ARL6IP6: variants seen among roughly 807,000 people sequenced by gnomAD.
ARL6IP6 encodes ARF like GTPase 6 interacting protein 6, also known as ADP-ribosylation factor-like protein 6-interacting protein 6.
ARL6IP6 carries 22 observed loss-of-function variants against 21.5 expected under a neutral mutation model. The observed-to-expected ratio is 1.02, with a 90% CI of 0.73 to 1.46. ARL6IP6 has a LOEUF of 1.46. Ranked by LOEUF, ARL6IP6 falls within the 40% of genes most tolerant of loss-of-function variation. The pLI, the probability that ARL6IP6 is intolerant of heterozygous loss-of-function variation, is 0.00. For missense variants in ARL6IP6, 388 were observed against 299.8 expected (o/e 1.29, Z -2.17); for synonymous variants, 164 against 125.3 (o/e 1.31, Z -2.06).
chr2:152,737,211 T>A (rs1272947896), intron 3 of ARL6IP6, among the ~76,000 whole-genome samples: 1 of 152,130 alleles, frequency 6.6e-6, no homozygotes. Context: ...ACTATGCAAT[T>A]TTGAGAAGTC....
At chr2:152,722,234 ATACT>A (rs1435068076) in intron 2 of ARL6IP6, among the ~76,000 whole-genome samples, 2 of 152,328 alleles carry the variant, frequency 1.3e-5, no homozygotes, top group Non-Finnish European at 2.9e-5. Context: ...TGCATGATAG[ATACT>A]TAATATTTTT....
At chr2:152,722,808 T>C (rs1231998290) in intron 2 of ARL6IP6, among the ~76,000 whole-genome samples, 1 of 152,182 alleles carries the variant, frequency 6.6e-6, no homozygotes, top group Admixed American at 6.5e-5. Flanking sequence ...CTCGGGAGGC[T>C]GAGGCAGGAG....
upstream of ARL6IP6, chr2:152,717,960 G>C (rs1221491719): frequency 2.0e-6 from 2 of 1,008,938 alleles, no homozygotes; most frequent in African/African-American, 1.7e-5. Flanking sequence ...GAAAGGAGGG[G>C]TTCGGAGGAG....
chr2:152,722,291 A>ATT (rs1348176437), intron 2 of ARL6IP6, among the ~76,000 whole-genome samples: 6 of 152,226 alleles, frequency 3.9e-5, no homozygotes, highest in Non-Finnish European at 8.8e-5. Flanking sequence ...AATGGCATGA[A>ATT]TTTATTGTCA....
chr2:152,739,608 C>A (rs1700714085), intron 3 of ARL6IP6, among the ~76,000 whole-genome samples: 1 of 152,186 alleles, frequency 6.6e-6, no homozygotes, highest in African/African-American at 2.4e-5. Context: ...CTGTCTTCTT[C>A]TGCACCCTCC....
chr2:152,721,514 C>G (rs1218602590), intron 2 of ARL6IP6, among the ~76,000 whole-genome samples: 7 of 152,176 alleles, frequency 4.6e-5, no homozygotes, highest in Admixed American at 4.6e-4. Context: ...GAGTTGAAAA[C>G]TTTACCTGTC....
At chr2:152,743,767 C>G (rs1232120290) in intron 3 of ARL6IP6, among the ~76,000 whole-genome samples, 1 of 152,104 alleles carries the variant, frequency 6.6e-6, no homozygotes, top group African/African-American at 2.4e-5. Context: ...CTGGAAATTT[C>G]AAATTGCAAG....
chr2:152,738,943 T>C lies in ARL6IP6; in HGVS notation c.587+3817T>C, dbSNP rs187081652. Among the ~76,000 whole-genome samples, 22 of 152,254 alleles carry C rather than the reference T, an allele frequency of 1.4e-4. No homozygotes were observed. In the East Asian group the frequency reaches 3.9e-3, roughly 27 times the overall value. The stretch of plus-strand genomic sequence containing the variant: ...CTTTTCTTCCCTTTTAAACATAAGT[T>C]CCAATTCCAAACCATGTTTTTGTGA... On this transcript the variant is annotated intron_variant, in intron 3 of 3. Transcript: ENST00000326446.
intron 3 of ARL6IP6, among the ~76,000 whole-genome samples, chr2:152,753,584 A>G (rs1701436588): frequency 1.3e-5 from 2 of 151,978 alleles, no homozygotes; most frequent in African/African-American, 2.4e-5. Context: ...CTATTGAACT[A>G]CTACTGAGAT....
chr2:152,722,088 T>C (rs1200435959), intron 2 of ARL6IP6, among the ~76,000 whole-genome samples: 1 of 152,222 alleles, frequency 6.6e-6, no homozygotes, highest in African/African-American at 2.4e-5. Flanking sequence ...GATTTCTCAT[T>C]TAGGAGTAGA....
chr2:152,718,906 C>A lies in ARL6IP6; in HGVS notation c.282C>A (p.Ala94=). The change falls in exon 1 of 4, where the codon GCC becomes GCA. Residue 94 remains alanine, a synonymous_variant. Transcript: ENST00000326446. ...PDKRNGIFPA[A]AGSRAQPRRW... is the part of the protein sequence containing the mutation. ...AGCGCAATGGTATCTTTCCCGCGGC[C>A]GCGGGCAGCAGAGCCCAGCCTCGGC... The A allele has an allele frequency of 6.2e-7, 1 of 1,613,874 alleles. No individual in the cohort carries two copies. The highest frequency in any genetic ancestry group is 1.6e-4 in the Middle Eastern group (1 of 6,062).
At chr2:152,720,660 T>G in intron 2 of ARL6IP6, 74 bp downstream of exon 2, 2 of 1,287,228 alleles carry the variant, frequency 1.6e-6, no homozygotes, top group Non-Finnish European at 2.2e-6. Flanking sequence ...GAACTAACTC[T>G]GGGATAAAAT....
intron 2 of ARL6IP6, among the ~76,000 whole-genome samples, chr2:152,726,339 G>A (rs1461125742): frequency 7.1e-6 from 1 of 140,934 alleles, no homozygotes; most frequent in Non-Finnish European, 1.5e-5. Flanking sequence ...GCCTTAACCA[G>A]TGTAACTGCT....
chr2:152,721,804 T>G (rs927368149), intron 2 of ARL6IP6, among the ~76,000 whole-genome samples: 3 of 152,242 alleles, frequency 2.0e-5, no homozygotes, highest in Non-Finnish European at 4.4e-5. Flanking sequence ...AGGGGAAACA[T>G]GAACCCTTTA....
chr2:152,718,812 C>T lies in ARL6IP6; in HGVS notation c.188C>T (p.Ala63Val), dbSNP rs368661783. 8 of 1,607,192 alleles carry T rather than the reference C, an allele frequency of 5.0e-6. No individual in the cohort carries two copies. Among genetic ancestry groups the T allele is most frequent in the Non-Finnish European group, 5.9e-6 (7 of 1,176,756 alleles). Residue 63 changes from alanine (A) to valine (V), a missense_variant, in exon 1 of 4, where the codon GCG (alanine) becomes GTG (valine). Coordinates refer to ENST00000326446, the MANE Select transcript of ARL6IP6 (RefSeq NM_152522.7). ...CTGCGGGCGGAGTTCTCGGCTGGGG[C>T]GTGGTCAGAGCCCAGAAAGCGCTCG... ...RDLRAEFSAG[A>V]WSEPRKRSVL...
At chr2:152,754,647 C>T (rs1701495256) in intron 3 of ARL6IP6, among the ~76,000 whole-genome samples, 1 of 152,170 alleles carries the variant, frequency 6.6e-6, no homozygotes, top group Non-Finnish European at 1.5e-5. Context: ...CAAACTGTTT[C>T]CTACAGCAGC....
chr2:152,754,262 G>A (rs933748454), intron 3 of ARL6IP6, among the ~76,000 whole-genome samples: 10 of 151,812 alleles, frequency 6.6e-5, no homozygotes, highest in African/African-American at 1.7e-4. Flanking sequence ...TCTACTTTTC[G>A]TCTCTATGGA....
chr2:152,728,353 C>G (rs1427203712), intron 2 of ARL6IP6, among the ~76,000 whole-genome samples: 3 of 152,098 alleles, frequency 2.0e-5, no homozygotes, highest in Admixed American at 6.5e-5. Context: ...TAATAGGAAA[C>G]CTTTCCCTAG....
At chr2:152,757,182 A>C (rs1163797283) in intron 3 of ARL6IP6, among the ~76,000 whole-genome samples, 1 of 152,186 alleles carries the variant, frequency 6.6e-6, no homozygotes, top group African/African-American at 2.4e-5. Context: ...AGCAAGTGAA[A>C]CTAATCTTGG....
Sources: gnomAD v4.1 joint callset for allele counts (sites outside exome capture counted in the v4.1 genomes callset) on GRCh38, gnomAD v4.1.1 for gene constraint, MANE v1.5 for transcripts, NCBI Gene and HGNC (gene_info 2026-07-23, HGNC 2026-07-21) for gene names.